HELZ2: variants seen among roughly 807,000 people sequenced by gnomAD.
The protein encoded by HELZ2 is 3'-5' exoribonuclease HELZ2.
A neutral mutation model predicts 208.8 loss-of-function variants in HELZ2; 143 were observed. That is an observed-to-expected ratio of 0.68 (90% CI 0.60 to 0.79). The LOEUF (loss-of-function observed/expected upper bound fraction) is 0.79. Ranked by LOEUF, HELZ2 falls within the 30% of genes least tolerant of loss-of-function variation. The pLI is 0.00. For missense variants in HELZ2, 3,690 were observed against 3,794.5 expected (o/e 0.97, Z 0.72); for synonymous variants, 1,705 against 1,693.7 (o/e 1.01, Z -0.16).
At position 63,569,789 on chromosome 20, in the gene HELZ2, C is replaced by T. The variant is rs532910562; in HGVS notation, c.571-124G>A. On this transcript the variant is annotated intron_variant, in intron 3 of 18. Transcript: ENST00000467148. ...TGGCCCTGCCACTTCCTGGATAGAA[C>T]GCAAGCAGGCCACCCGGCCTCTGCC... 2.8e-3 allele frequency: 3,021 copies of T among 1,075,296 alleles called. 9 individuals carry two copies. Among genetic ancestry groups the T allele is most frequent in the Admixed American group, 3.2e-3 (108 of 33,788 alleles). 66.6% of individuals were successfully genotyped at this position (1,075,296 alleles called of 1,614,324 possible). A position where few individuals can be genotyped will look rare whatever the true frequency, so the allele number is the denominator to read the frequency against.
At chr20:63,570,950 T>C in intron 1 of HELZ2, 82 bp from the exon 3 acceptor site, 1 of 1,087,774 alleles carries the variant, frequency 9.2e-7, no homozygotes, top group South Asian at 1.6e-5. Flanking sequence ...CTCAGCCCAA[T>C]ACTGGCCTCT....
chr20:63,570,292 A>G lies in HELZ2; in HGVS notation c.570+212T>C, dbSNP rs1467423581. On this transcript the variant is annotated intron_variant, in intron 3 of 18. Transcript: ENST00000467148. ...TGTTTTAACCCATATACTCCATAGA[A>G]TAACCCTGCCAAGGTGGGACTGTCC... is the stretch of plus-strand genomic sequence containing the variant. 5.7e-6 allele frequency: 4 copies of G among 696,600 alleles called. No individual in the cohort carries two copies. In the South Asian group the frequency reaches 6.0e-5, roughly 10 times the overall value. 43.2% of individuals were successfully genotyped at this position (696,600 alleles called of 1,614,324 possible).
At chr20:63,569,230 G>A in exon 4 of HELZ2, 2 of 1,562,778 alleles carry the variant, frequency 1.3e-6, no homozygotes, top group East Asian at 2.3e-5. Flanking sequence ...GGTGAGATGG[G>A]GCCCGAGGCC....
chr20:63,563,804 G>A (rs1402918239), exon 8 of HELZ2: 7 of 1,601,894 alleles, frequency 4.4e-6, no homozygotes, highest in Admixed American at 1.7e-5. Flanking sequence ...GCGGATGGGC[G>A]AGGTGGCCCA....
chr20:63,567,467 G>A lies in HELZ2; in HGVS notation c.1891C>T (p.Arg631Cys), dbSNP rs371723844. The A allele has an allele frequency of 2.3e-5, 36 of 1,557,148 alleles. No individual in the cohort carries two copies. The highest frequency in any genetic ancestry group is 1.9e-4 in the South Asian group (16 of 84,960). Residue 631 changes from arginine to cysteine, a missense_variant, in exon 6 of 19, where the codon CGC becomes TGC. Physicochemically the swap from Arg to Cys is radical, Grantham distance 180. Coordinates refer to ENST00000467148, the Ensembl canonical transcript of HELZ2. ...GCCAGCTCTGCCCGTGTGGGCGGGC[G>A]GAAAGCCTGGCGGTCGTCGGTCAGG...
chr20:63,563,763 T>C (rs557009827), exon 8 of HELZ2: 1 of 1,602,950 alleles, frequency 6.2e-7, no homozygotes, highest in South Asian at 1.1e-5. Flanking sequence ...GCCAGCAGGA[T>C]CTGCCGCTGC....
Position 63,563,374 on chromosome 20 carries a change from C to T in HELZ2, c.5448G>A (p.Pro1816=), listed in dbSNP as rs763471384. Residue 1816 remains proline (P), a synonymous_variant, in exon 8 of 19, where the codon CCG becomes CCA. Coordinates refer to ENST00000467148, the Ensembl canonical transcript of HELZ2. The stretch of plus-strand genomic sequence containing the variant: ...TCTCCACGGCCAGGGTGTGTGGGTC[C>T]GGCACAGTGCCAGGCAGTGGCAGGG... 1.9e-5 allele frequency: 29 copies of T among 1,537,190 alleles called. No individual in the cohort carries two copies. The East Asian group carries it at 2.7e-4, about 14-fold the overall frequency.
upstream of HELZ2, chr20:63,574,074 C>T (rs867248895): frequency 3.5e-5 from 5 of 144,452 alleles, no homozygotes; most frequent in African/African-American, 5.2e-5. Flanking sequence ...CTCCCGGACC[C>T]CCCCCTCCGC....
exon 6 of HELZ2, chr20:63,567,434 G>T (rs539809403): frequency 4.5e-6 from 7 of 1,563,534 alleles, no homozygotes; most frequent in Non-Finnish European, 5.2e-6. Flanking sequence ...ACCACCACGC[G>T]GTGCCGCGCC....
intron 1 of HELZ2, 69 bp from the exon 3 acceptor site, chr20:63,570,937 C>T: frequency 7.7e-7 from 1 of 1,300,264 alleles, no homozygotes; most frequent in Non-Finnish European, 1.1e-6. Flanking sequence ...AAGGCCGGGA[C>T]CCCTCAGCCC....
At chr20:63,560,242 G>C in exon 17 of HELZ2, 1 of 1,560,716 alleles carries the variant, frequency 6.4e-7, no homozygotes, top group Non-Finnish European at 8.6e-7. Flanking sequence ...GCTGATCTCA[G>C]AGGCCTGCGC....
In HELZ2 at chr20:63,565,939, C is replaced by T; in HGVS notation, c.2883G>A (p.Trp961Ter). Residue 961 changes from tryptophan to a stop codon, truncating the protein, a stop_gained, in exon 8 of 19, where the codon TGG (tryptophan) becomes TGA (stop). Coordinates refer to ENST00000467148, the Ensembl canonical transcript of HELZ2. LOFTEE classifies it high-confidence loss of function. ...CCCCAGCCTGTGTGCCTCGGGGAGGCCAGCGCCGTCTCTGCGCCACACCCT... is the reference window on the plus strand; with the variant it reads ...CCCCAGCCTGTGTGCCTCGGGGAGGTCAGCGCCGTCTCTGCGCCACACCCT... 2 of 1,598,776 alleles carry T rather than the reference C, an allele frequency of 1.3e-6. No individual in the cohort carries two copies. Among genetic ancestry groups the T allele is most frequent in the Non-Finnish European group, 1.7e-6 (2 of 1,179,500 alleles).
chr20:63,572,474 T>C, upstream of HELZ2: 1 of 1,373,380 alleles, frequency 7.3e-7, no homozygotes, highest in Admixed American at 2.9e-5. Flanking sequence ...GGCAGGAGGC[T>C]GGCCGGCCCG....
exon 6 of HELZ2, chr20:63,567,492 G>A (rs1273739244): frequency 1.9e-6 from 3 of 1,556,850 alleles, no homozygotes; most frequent in African/African-American, 2.7e-5. Context: ...CGTCGGTCAG[G>A]CAACAGTACT....
chr20:63,561,729 C>T (rs1420622195), exon 12 of HELZ2: 2 of 1,605,788 alleles, frequency 1.2e-6, no homozygotes, highest in Non-Finnish European at 1.7e-6. Flanking sequence ...TCAGCTCCAT[C>T]CTTCTCAGGA....
exon 8 of HELZ2, chr20:63,564,033 G>A (rs1408816851): frequency 3.1e-6 from 5 of 1,604,730 alleles, no homozygotes; most frequent in South Asian, 2.2e-5. Flanking sequence ...GCCAGGAGGT[G>A]CAGCCGCGTG....
At chr20:63,568,086 C>T in intron 5 of HELZ2, 1 of 563,658 alleles carries the variant, frequency 1.8e-6, no homozygotes, top group Non-Finnish European at 3.1e-6. Context: ...AGACTCATCC[C>T]CAGAAGTCCT....
exon 14 of HELZ2, chr20:63,561,274 C>G (rs1257284418): frequency 6.2e-7 from 1 of 1,612,486 alleles, no homozygotes; most frequent in East Asian, 2.2e-5. Context: ...CCTTCTTGTA[C>G]CTGCCGGGGA....
At chr20:63,559,835 C>T (rs550379485) in intron 18 of HELZ2, 93 bp downstream of exon 19, 28 of 1,365,578 alleles carry the variant, frequency 2.1e-5, no homozygotes, top group South Asian at 2.5e-5. Context: ...AGGGTCAGGT[C>T]GGAGTCAGGG....
Sources: gnomAD v4.1 joint callset for allele counts on GRCh38, gnomAD v4.1.1 for gene constraint, MANE v1.5 for transcripts, NCBI Gene and HGNC (gene_info 2026-07-23, HGNC 2026-07-21) for gene names.